EPB41L4A: variants seen among roughly 807,000 people sequenced by gnomAD.
EPB41L4A encodes the protein erythrocyte membrane protein band 4.1 like 4A, also known as band 4.1-like protein 4A.
Under a neutral mutation model 108.6 loss-of-function variants are expected in EPB41L4A, and 100 were observed. The ratio of observed to expected loss-of-function variants is 0.92; its 90% CI spans 0.78 to 1.09. The LOEUF (loss-of-function observed/expected upper bound fraction) is 1.09, where lower values mean the gene tolerates loss of function less well. EPB41L4A is among the 50% of genes least tolerant of loss of function. The pLI is 0.00. For synonymous variants in EPB41L4A, 319 were observed against 289.0 expected (o/e 1.10, Z -1.05); for missense variants, 1,030 against 842.7 (o/e 1.22, Z -2.75).
At chr5:112,375,788 T>C (rs1043128125) in intron 1 of EPB41L4A, among the ~76,000 whole-genome samples, 5 of 152,152 alleles carry the variant, frequency 3.3e-5, no homozygotes, top group African/African-American at 9.7e-5. Context: ...GACGATGATC[T>C]GCTGGTAGAT....
At chr5:112,209,830 C>T (rs557162116) in intron 13 of EPB41L4A, 62 bp downstream of exon 13, 6 of 1,023,414 alleles carry the variant, frequency 5.9e-6, no homozygotes, top group Admixed American at 2.1e-5. Context: ...ACCTTGTCTA[C>T]AGAAAAAAAG....
chr5:112,348,890 T>C (rs1407034357), intron 1 of EPB41L4A, among the ~76,000 whole-genome samples: 2 of 152,216 alleles, frequency 1.3e-5, no homozygotes, highest in African/African-American at 4.8e-5. Flanking sequence ...GGCTTGATGC[T>C]GAGGAGTTTC....
At chr5:112,282,373 A>G (rs1196464052) in intron 2 of EPB41L4A, among the ~76,000 whole-genome samples, 2 of 152,238 alleles carry the variant, frequency 1.3e-5, no homozygotes, top group Non-Finnish European at 2.9e-5. Flanking sequence ...GAATTTTCCA[A>G]TGAAGAGAAA....
At chr5:112,244,923 T>C (rs1484007346) in intron 9 of EPB41L4A, among the ~76,000 whole-genome samples, 1 of 152,160 alleles carries the variant, frequency 6.6e-6, no homozygotes, top group Non-Finnish European at 1.5e-5. Context: ...TGTATCATTA[T>C]AACGTATGTA....
At chr5:112,403,004 T>TCA (rs200918293) in intron 1 of EPB41L4A, among the ~76,000 whole-genome samples, 35 of 146,104 alleles carry the variant, frequency 2.4e-4, no homozygotes, top group Admixed American at 1.5e-3. Flanking sequence ...TCCCTCTAGC[T>TCA]CACACACACA....
chr5:112,258,738 G>A (rs527283920), intron 9 of EPB41L4A, among the ~76,000 whole-genome samples: 17 of 152,266 alleles, frequency 1.1e-4, no homozygotes, highest in African/African-American at 2.6e-4. Context: ...AGCAAAGGCC[G>A]GCATTTTTAC....
intron 1 of EPB41L4A, among the ~76,000 whole-genome samples, chr5:112,373,973 T>C (rs1250617156): frequency 1.3e-5 from 2 of 152,248 alleles, no homozygotes; most frequent in Non-Finnish European, 2.9e-5. Flanking sequence ...TCATTTTTCA[T>C]GAATACGTGG....
At chr5:112,268,388 AC>A (rs752219634) in intron 4 of EPB41L4A, among the ~76,000 whole-genome samples, 15 of 152,032 alleles carry the variant, frequency 9.9e-5, no homozygotes, top group Non-Finnish European at 1.8e-4. Context: ...AAAAAAACAA[AC>A]AAAAAAAAAA....
rs574917951 is a variant in EPB41L4A at position 112,350,518 on chromosome 5, C to T, written c.100-43028G>A. Among the ~76,000 whole-genome samples the T allele has an allele frequency of 3.9e-4, 59 of 152,292 alleles. 1 individual carries two copies. The highest frequency in any genetic ancestry group is 1.3e-3 in the African/African-American group (54 of 41,564). ...TCTCTTCTAGCTATTTTGAAATATA[C>T]AGCACAATTGTTAACTAAAGTCACC... is the stretch of plus-strand genomic sequence containing the variant. On this transcript the variant is annotated intron_variant, in intron 1 of 22. Coordinates refer to ENST00000261486, the MANE Select transcript of EPB41L4A (RefSeq NM_022140.5).
At chr5:112,263,588 T>C (rs1751639482) in intron 6 of EPB41L4A, 1 of 152,170 alleles carries the variant, frequency 6.6e-6, no homozygotes, top group African/African-American at 2.4e-5. Context: ...CCAAACACAT[T>C]GCCCTTCCTA....
At chr5:112,419,650 A>G (rs1024253763), upstream of EPB41L4A, 4 of 456,276 alleles carry the variant, frequency 8.8e-6, no homozygotes, top group South Asian at 3.1e-5. Flanking sequence ...CGCCCCGACC[A>G]TGGGCGCAGG....
Position 112,419,258 on chromosome 5 carries a change from G to C in EPB41L4A, c.-219C>G, listed in dbSNP as rs1401037229. The C allele has an allele frequency of 2.5e-6, 1 of 400,628 alleles. No individual in the cohort carries two copies. Among genetic ancestry groups the C allele is most frequent in the African/African-American group, 2.2e-5 (1 of 46,368 alleles). The allele number at this position is 400,628 out of a possible 1,614,324, so 24.8% of individuals were successfully genotyped here. Reference sequence around the variant, plus strand: ...GGAGAGTCAGCGCCCGGGAGCCGCCGGGGAAGCGCCGGCGGAACTGGGCGC... The same window carrying C: ...GGAGAGTCAGCGCCCGGGAGCCGCCCGGGAAGCGCCGGCGGAACTGGGCGC... On this transcript the variant is annotated 5_prime_UTR_variant, in exon 1 of 23. Transcript: ENST00000261486.
At chr5:112,217,686 G>A (rs1747749430) in intron 12 of EPB41L4A, among the ~76,000 whole-genome samples, 1 of 152,152 alleles carries the variant, frequency 6.6e-6, no homozygotes, top group Non-Finnish European at 1.5e-5. Context: ...GACAGAGTGA[G>A]ACTCCATTTC....
At chr5:112,201,693 G>A (rs150767524) in intron 15 of EPB41L4A, among the ~76,000 whole-genome samples, 293 of 152,204 alleles carry the variant, frequency 1.9e-3, no homozygotes, top group African/African-American at 6.8e-3. Flanking sequence ...ACACACAAAT[G>A]CACTTTAAAG....
chr5:112,380,376 G>T (rs1206592346), intron 1 of EPB41L4A, among the ~76,000 whole-genome samples: 1 of 152,044 alleles, frequency 6.6e-6, no homozygotes, highest in African/African-American at 2.4e-5. Context: ...GTACTTAGTT[G>T]TAACTTTATT....
chr5:112,204,743 AAATAAC>A (rs1477485824), intron 14 of EPB41L4A: 7 of 346,494 alleles, frequency 2.0e-5, no homozygotes, highest in African/African-American at 8.1e-5. Flanking sequence ...GAACACACAC[AAATAAC>A]AATAACAATT....
chr5:112,384,397 TC>T (rs1706015488), intron 1 of EPB41L4A, among the ~76,000 whole-genome samples: 2 of 151,696 alleles, frequency 1.3e-5, no homozygotes, highest in African/African-American at 2.4e-5. Context: ...TTAACCTGAG[TC>T]CAAAGGCAAA....
At chr5:112,178,992 A>T (rs1312247937) in intron 18 of EPB41L4A, among the ~76,000 whole-genome samples, 2 of 152,072 alleles carry the variant, frequency 1.3e-5, no homozygotes, top group African/African-American at 4.8e-5. Context: ...TGAAGAGAAA[A>T]CACAAATCAC....
At chr5:112,398,751 C>T (rs962606236) in intron 1 of EPB41L4A, among the ~76,000 whole-genome samples, 2 of 151,998 alleles carry the variant, frequency 1.3e-5, no homozygotes, top group Non-Finnish European at 2.9e-5. Flanking sequence ...GCTATAGACT[C>T]AGGTATCAGA....
Sources: gnomAD v4.1 joint callset for allele counts (sites outside exome capture counted in the v4.1 genomes callset) on GRCh38, gnomAD v4.1.1 for gene constraint, MANE v1.5 for transcripts, NCBI Gene and HGNC (gene_info 2026-07-23, HGNC 2026-07-21) for gene names.